Variants in WSCD1 observed in about 807,000 individuals in gnomAD.
The protein encoded by WSCD1 is sialate:O-sulfotransferase 1.
WSCD1 carries 41 observed loss-of-function variants against 60.4 expected under a neutral mutation model. The ratio of observed to expected loss-of-function variants is 0.68; its 90% CI spans 0.53 to 0.88. WSCD1 has a LOEUF of 0.88. Among genes scored for constraint, WSCD1 ranks in the 40% least tolerant of loss-of-function variants. The pLI, the probability that WSCD1 is intolerant of heterozygous loss-of-function variation, is 0.00. For missense variants in WSCD1, 784 were observed against 796.2 expected (o/e 0.98, Z 0.18); for synonymous variants, 361 against 332.5 (o/e 1.09, Z -0.93).
rs1360068437 is a variant in WSCD1 at position 6,122,474 on chromosome 17, C to T, written c.*1813C>T. ...ATTGGCTCAGGATAGCTTCGGCATC[C>T]AATCTGCGAAGGCCCCTGATGGAGC... On this transcript the variant is annotated 3_prime_UTR_variant, in exon 9 of 9. Transcript: ENST00000317744. The T allele has an allele frequency of 6.6e-6, 1 of 152,252 alleles. No individual in the cohort carries two copies. Among genetic ancestry groups the T allele is most frequent in the African/African-American group, 2.4e-5 (1 of 41,448 alleles). The allele number at this position is 152,252 out of a possible 1,614,324, so 9.4% of individuals were successfully genotyped here.
intron 4 of WSCD1, 26 bp from the exon 5 acceptor site, chr17:6,095,076 C>T (rs1424871858): frequency 1.3e-6 from 2 of 1,598,752 alleles, no homozygotes; most frequent in Non-Finnish European, 1.7e-6. Context: ...CCATCTCTTA[C>T]CAGAAACCCC....
intron 2 of WSCD1, among the ~76,000 whole-genome samples, chr17:6,082,410 T>A (rs1242768028): frequency 6.6e-6 from 1 of 152,102 alleles, no homozygotes; most frequent in Non-Finnish European, 1.5e-5. Flanking sequence ...AATACACATC[T>A]CAAAGGACCC....
upstream of WSCD1, among the ~76,000 whole-genome samples, chr17:6,069,812 TG>T (rs1434179472): frequency 4.3e-5 from 6 of 140,282 alleles, no homozygotes; most frequent in Middle Eastern, 4.7e-3. Flanking sequence ...CGTGCGTGTG[TG>T]GTGTGTGTGT....
rs199602819 is a variant in WSCD1, at chr17:6,088,015, C to T, written c.453C>T (p.Asp151=). Reference sequence around the variant, plus strand: ...GCACCTACATTGGATGCTTCAGTGACGATGGCCACGAGAGGACTCTGAAAG... The same window carrying T: ...GCACCTACATTGGATGCTTCAGTGATGATGGCCACGAGAGGACTCTGAAAG... The part of the protein sequence containing the change: ...SRGTYIGCFS[D]DGHERTLKGA... Residue 151 remains aspartate, a synonymous_variant, in exon 3 of 9, where the codon GAC becomes GAT. Transcript: ENST00000317744. 1.4e-5 allele frequency: 22 copies of T among 1,614,030 alleles called. No homozygotes were observed. Among genetic ancestry groups the T allele is most frequent in the African/African-American group, 8.0e-5 (6 of 75,040 alleles).
At position 6,080,346 on chromosome 17, in the gene WSCD1, T is replaced by G. The variant is rs529783421; in HGVS notation, c.-288-25T>G. The stretch of plus-strand genomic sequence containing the variant: ...AGGTAGTGGACCCGCCTATTACATC[T>G]CGGTGCTCTTTCTCCACCTTCCAGA... On this transcript the variant is annotated intron_variant, in intron 1 of 8. Coordinates refer to ENST00000317744, the MANE Select transcript of WSCD1 (RefSeq NM_015253.2). This position sits in a 1 kb window ranked among gnomAD's most constrained non-coding sequence, Gnocchi z 6.6. The G allele has an allele frequency of 5.6e-3, 2,262 of 405,372 alleles. 9 individuals carry two copies. The highest frequency in any genetic ancestry group is 6.9e-3 in the Non-Finnish European group (1,562 of 225,648). The allele number at this position is 405,372 out of a possible 1,614,324, so 25.1% of individuals were successfully genotyped here. A position where few individuals can be genotyped will look rare whatever the true frequency, so the allele number is the denominator to read the frequency against.
intron 7 of WSCD1, 80 bp downstream of exon 7, chr17:6,111,015 C>T: frequency 1.3e-6 from 2 of 1,506,160 alleles, no homozygotes; most frequent in Non-Finnish European, 1.8e-6. Flanking sequence ...CTTCTCAGAG[C>T]ACTAGAGCAG....
intron 2 of WSCD1, among the ~76,000 whole-genome samples, chr17:6,082,288 G>A (rs1909331040): frequency 6.6e-6 from 1 of 152,166 alleles, no homozygotes; most frequent in Admixed American, 6.5e-5. Flanking sequence ...CACTAGTGGG[G>A]GCGCGGGAAG....
intron 4 of WSCD1, among the ~76,000 whole-genome samples, chr17:6,092,068 C>T (rs1246895504): frequency 4.7e-5 from 7 of 149,810 alleles, no homozygotes; most frequent in Non-Finnish European, 7.4e-5. Context: ...GCAGGAGAAT[C>T]GCTTGAACCC....
At chr17:6,120,190 C>G in intron 8 of WSCD1, 119 bp from the exon 9 acceptor site, 2 of 1,106,926 alleles carry the variant, frequency 1.8e-6, no homozygotes, top group Non-Finnish European at 2.6e-6. Context: ...GCCAGGTTGA[C>G]TCTAGGCAGT....
At chr17:6,107,972 G>C (rs1911191688) in intron 5 of WSCD1, among the ~76,000 whole-genome samples, 1 of 152,182 alleles carries the variant, frequency 6.6e-6, no homozygotes, top group Non-Finnish European at 1.5e-5. Flanking sequence ...TCACAGCGCA[G>C]GTGCCTCCTT....
intron 1 of WSCD1, among the ~76,000 whole-genome samples, chr17:6,076,238 G>A (rs1009606916): frequency 6.6e-6 from 1 of 152,186 alleles, no homozygotes; most frequent in Non-Finnish European, 1.5e-5. Context: ...TGGGGTATGC[G>A]GGGCATTTGC....
intron 5 of WSCD1, among the ~76,000 whole-genome samples, chr17:6,097,727 A>G (rs1300332385): frequency 6.6e-6 from 1 of 152,210 alleles, no homozygotes. Flanking sequence ...ATGCTGGGTC[A>G]AAGACTGAGT....
intron 3 of WSCD1, among the ~76,000 whole-genome samples, 189 bp from the exon 4 acceptor site, chr17:6,090,132 G>A (rs1399452035): frequency 6.6e-6 from 1 of 152,202 alleles, no homozygotes; most frequent in African/African-American, 2.4e-5. Flanking sequence ...GGTCCTTACG[G>A]CACATGTATA....
intron 7 of WSCD1, among the ~76,000 whole-genome samples, chr17:6,111,576 C>T (rs1911409686): frequency 6.6e-6 from 1 of 151,848 alleles, no homozygotes; most frequent in African/African-American, 2.4e-5. Context: ...TGGTAGGCGC[C>T]TGTAATCCCA....
At chr17:6,111,436 C>T (rs1286985934) in intron 7 of WSCD1, among the ~76,000 whole-genome samples, 1 of 152,192 alleles carries the variant, frequency 6.6e-6, no homozygotes, top group African/African-American at 2.4e-5. Flanking sequence ...CGCAGTGGCT[C>T]ACGCCTGTAA....
chr17:6,090,571 C>A, intron 4 of WSCD1, 66 bp downstream of exon 4: 1 of 1,563,884 alleles, frequency 6.4e-7, no homozygotes, highest in Non-Finnish European at 8.6e-7. Flanking sequence ...GCCCATCCCC[C>A]ACAACCTCTC....
In WSCD1 at chr17:6,118,313, A is replaced by G. The variant is rs1904431020; in HGVS notation, c.1375+125A>G. The stretch of plus-strand genomic sequence containing the variant: ...GCAGGATCAGTATACACAGGTAGGC[A>G]CTCAAACCCCATCCTGCTAGGGACT... On this transcript the variant is annotated intron_variant, in intron 8 of 8. Coordinates refer to ENST00000317744, the MANE Select transcript of WSCD1 (RefSeq NM_015253.2). This position sits in a 1 kb window ranked among gnomAD's most constrained non-coding sequence, Gnocchi z 5.8. 1 of 1,009,996 alleles carries G rather than the reference A, an allele frequency of 9.9e-7. No homozygotes were observed. The highest frequency in any genetic ancestry group is 1.6e-5 in the South Asian group (1 of 63,332). 62.6% of individuals were successfully genotyped at this position (1,009,996 alleles called of 1,614,324 possible). A position where few individuals can be genotyped will look rare whatever the true frequency, so the allele number is the denominator to read the frequency against.
chr17:6,088,121 T>C lies in WSCD1; in HGVS notation c.542+17T>C. On this transcript the variant is annotated intron_variant, in intron 3 of 8. Coordinates refer to ENST00000317744, the MANE Select transcript of WSCD1 (RefSeq NM_015253.2). ...TGCTGAGCGGTGAGTGCTGGGGCCCTGGACTGTTGATTCTAGAGGCAGGAA... is the reference window on the plus strand; with the variant it reads ...TGCTGAGCGGTGAGTGCTGGGGCCCCGGACTGTTGATTCTAGAGGCAGGAA... The C allele has an allele frequency of 6.3e-7, 1 of 1,590,768 alleles. No individual in the cohort carries two copies. Among genetic ancestry groups the C allele is most frequent in the Non-Finnish European group, 8.6e-7 (1 of 1,158,974 alleles).
At chr17:6,086,753 C>T (rs973856196) in intron 2 of WSCD1, among the ~76,000 whole-genome samples, 6 of 152,178 alleles carry the variant, frequency 3.9e-5, no homozygotes, top group African/African-American at 1.4e-4. Flanking sequence ...CCCTAGGCCA[C>T]TCAGCAGTGG....
Sources: gnomAD v4.1 joint callset for allele counts (sites outside exome capture counted in the v4.1 genomes callset) on GRCh38, gnomAD v4.1.1 for gene constraint, Gnocchi (gnomAD v3.1) non-coding constraint, MANE v1.5 for transcripts, NCBI Gene and HGNC (gene_info 2026-07-23, HGNC 2026-07-21) for gene names.